ZNF385B: variants seen among roughly 807,000 people sequenced by gnomAD.
The protein encoded by ZNF385B is zinc finger protein 533.
ZNF385B carries 23 observed loss-of-function variants against 39.2 expected under a neutral mutation model. The observed-to-expected ratio is 0.59, with a 90% CI of 0.42 to 0.83. ZNF385B has a LOEUF of 0.83. Among genes scored for constraint, ZNF385B ranks in the 40% least tolerant of loss-of-function variants. The pLI is 0.00. For synonymous variants in ZNF385B, 205 were observed against 222.6 expected, an observed-to-expected ratio of 0.92 and a Z score of 0.70; for missense variants, 552 against 598.9, an observed-to-expected ratio of 0.92 and a Z score of 0.82.
chr2:179,752,461 A>G (rs1435419925), intron 3 of ZNF385B, among the ~76,000 whole-genome samples: 3 of 152,154 alleles, frequency 2.0e-5, no homozygotes, highest in East Asian at 1.9e-4. Context: ...GTAATGGGAT[A>G]GCTGGGTCAA....
chr2:179,548,333 G>C lies in ZNF385B; in HGVS notation c.299-3364C>G, dbSNP rs541959892. On this transcript the variant is annotated intron_variant, in intron 3 of 9. Coordinates refer to ENST00000410066, the MANE Select transcript of ZNF385B (RefSeq NM_152520.6). ...CCAGTAACAAGCATCCTTCTTTAGT[G>C]TATAACTTTCATGTAGTATAGAAAA... 1.7e-4 allele frequency among the ~76,000 whole-genome samples: 26 copies of C among 149,638 alleles called. 5 individuals are homozygous for C. Among genetic ancestry groups the C allele is most frequent in the African/African-American group, 6.0e-4 (24 of 39,832 alleles).
At chr2:179,777,962 G>A (rs952178738) in intron 1 of ZNF385B, among the ~76,000 whole-genome samples, 3 of 151,744 alleles carry the variant, frequency 2.0e-5, no homozygotes, top group Non-Finnish European at 4.4e-5. Context: ...TAGTAGAGAC[G>A]GCTTCACCAT....
At chr2:179,725,357 T>C (rs1559133354) in intron 3 of ZNF385B, among the ~76,000 whole-genome samples, 1 of 151,922 alleles carries the variant, frequency 6.6e-6, no homozygotes, top group Non-Finnish European at 1.5e-5. Flanking sequence ...ATGACATACT[T>C]TGTATAGTCA....
intron 5 of ZNF385B, among the ~76,000 whole-genome samples, chr2:179,494,348 A>G (rs947004767): frequency 1.3e-5 from 2 of 152,170 alleles, no homozygotes; most frequent in Non-Finnish European, 2.9e-5. Context: ...TGGTTGCTGT[A>G]TGGAGAACCA....
At chr2:179,707,125 G>C (rs1699661486) in intron 3 of ZNF385B, among the ~76,000 whole-genome samples, 1 of 152,210 alleles carries the variant, frequency 6.6e-6, no homozygotes, top group South Asian at 2.1e-4. Flanking sequence ...CTTACAGGGG[G>C]TAACCCCATA....
At chr2:179,790,663 T>C (rs1705271168) in intron 1 of ZNF385B, among the ~76,000 whole-genome samples, 1 of 152,162 alleles carries the variant, frequency 6.6e-6, no homozygotes. Context: ...CTCCCTATTG[T>C]ACCACTCACC....
chr2:179,596,195 T>G (rs1162771115), intron 3 of ZNF385B, among the ~76,000 whole-genome samples: 4 of 152,168 alleles, frequency 2.6e-5, no homozygotes, highest in Non-Finnish European at 5.9e-5. Context: ...CTGGATTCTC[T>G]GCTTAGGATG....
At chr2:179,591,722 T>G (rs1400499205) in intron 3 of ZNF385B, among the ~76,000 whole-genome samples, 1 of 151,998 alleles carries the variant, frequency 6.6e-6, no homozygotes, top group African/African-American at 2.4e-5. Context: ...CTCTCTTTTT[T>G]CCCCCCATAA....
At chr2:179,760,052 T>A (rs1271928861) in intron 3 of ZNF385B, among the ~76,000 whole-genome samples, 1 of 147,604 alleles carries the variant, frequency 6.8e-6, no homozygotes, top group African/African-American at 2.5e-5. Context: ...TAGTAAAAAT[T>A]TTTTTTTTTT....
intron 3 of ZNF385B, among the ~76,000 whole-genome samples, chr2:179,731,710 C>G (rs1177859343): frequency 6.6e-6 from 1 of 152,098 alleles, no homozygotes; most frequent in Non-Finnish European, 1.5e-5. Context: ...TCATTTGAGC[C>G]CAGGAGTTCA....
At chr2:179,652,937 G>T (rs1395207057) in intron 3 of ZNF385B, among the ~76,000 whole-genome samples, 2 of 151,538 alleles carry the variant, frequency 1.3e-5, no homozygotes, top group Non-Finnish European at 2.9e-5. Context: ...AAAAAAAATT[G>T]AGACGTAAAC....
At chr2:179,584,162 G>T in intron 3 of ZNF385B, 2 of 398,460 alleles carry the variant, frequency 5.0e-6, no homozygotes, top group South Asian at 3.9e-5. Flanking sequence ...ATTCAGTGTT[G>T]TGGGGTGCTA....
chr2:179,787,065 T>A (rs1443181749), intron 1 of ZNF385B, among the ~76,000 whole-genome samples: 5 of 152,150 alleles, frequency 3.3e-5, no homozygotes, highest in Admixed American at 3.3e-4. Flanking sequence ...TTCCTATTCA[T>A]GACCTTTGTT....
At chr2:179,534,890 CTAAA>C (rs1317645736) in intron 4 of ZNF385B, 2 of 152,166 alleles carry the variant, frequency 1.3e-5, no homozygotes, top group Non-Finnish European at 2.9e-5. Context: ...GAGTGACTGA[CTAAA>C]TAAATAAATG....
At chr2:179,817,640 C>T (rs1707145882) in intron 1 of ZNF385B, among the ~76,000 whole-genome samples, 1 of 150,512 alleles carries the variant, frequency 6.6e-6, no homozygotes, top group Non-Finnish European at 1.5e-5. Context: ...TGTGAGTAGA[C>T]ATCACTGTCT....
chr2:179,671,116 G>C (rs1265322919), intron 3 of ZNF385B, among the ~76,000 whole-genome samples: 1 of 152,208 alleles, frequency 6.6e-6, no homozygotes, highest in East Asian at 1.9e-4. Context: ...TTGTATCAAA[G>C]TGCCTTCAAG....
At chr2:179,610,748 A>G (rs1423027003) in intron 3 of ZNF385B, among the ~76,000 whole-genome samples, 9 of 152,014 alleles carry the variant, frequency 5.9e-5, no homozygotes, top group Non-Finnish European at 1.5e-5. Context: ...TATAGTTTTC[A>G]TTGTAGAGAT....
chr2:179,504,339 GTGTGCATGTGTCTT>G (rs2057050259), intron 5 of ZNF385B, among the ~76,000 whole-genome samples: 1 of 151,768 alleles, frequency 6.6e-6, no homozygotes, highest in African/African-American at 2.4e-5. Context: ...ATAAACATAC[GTGTGCATGTGTCTT>G]TATAGCAGCA....
chr2:179,649,663 A>G (rs1344476055), intron 3 of ZNF385B, among the ~76,000 whole-genome samples: 1 of 152,166 alleles, frequency 6.6e-6, no homozygotes, highest in African/African-American at 2.4e-5. Flanking sequence ...GTGTGCATGT[A>G]TATATGTTTG....
Sources: gnomAD v4.1 joint callset for allele counts (sites outside exome capture counted in the v4.1 genomes callset) on GRCh38, gnomAD v4.1.1 for gene constraint, MANE v1.5 for transcripts, NCBI Gene and HGNC (gene_info 2026-07-23, HGNC 2026-07-21) for gene names.